ANKRD24: variants seen among roughly 807,000 people sequenced by gnomAD.
The protein encoded by ANKRD24 is ankyrin repeat domain-containing protein 24.
Under a neutral mutation model 127.8 loss-of-function variants are expected in ANKRD24, and 109 were observed. That is an observed-to-expected ratio of 0.85 (90% CI 0.73 to 1.00). ANKRD24 has a LOEUF of 1.00. Among genes scored for constraint, ANKRD24 ranks in the 50% least tolerant of loss-of-function variants. ANKRD24 has a pLI of 0.00. For missense variants in ANKRD24, 1,648 were observed against 1,570.2 expected (o/e 1.05, Z -0.84); for synonymous variants, 743 against 671.1 (o/e 1.11, Z -1.66).
At chr19:4,219,894 C>T (rs931102010) in intron 19 of ANKRD24, 136 bp downstream of exon 19, 49 of 1,053,474 alleles carry the variant, frequency 4.7e-5, no homozygotes, top group African/African-American at 2.9e-4. Context: ...GGCTCAGAAA[C>T]GGAAGGGGAC....
rs566123130 is a variant in ANKRD24 at position 4,210,706 on chromosome 19, A to G, written c.1059+334A>G. 1.1e-4 allele frequency among the ~76,000 whole-genome samples: 16 copies of G among 145,648 alleles called. No individual in the cohort carries two copies. In the East Asian group the frequency reaches 3.1e-3, roughly 28 times the overall value. On this transcript the variant is annotated intron_variant, in intron 13 of 21. Coordinates refer to ENST00000318934, the MANE Select transcript of ANKRD24 (RefSeq NM_001393985.1). ...ACTTTATGCAGTAGGCTCCTCGCCA[A>G]AGACACTTCCCATGCCCACTTCCCA...
At chr19:4,221,895 C>G (rs1970461164) in intron 19 of ANKRD24, among the ~76,000 whole-genome samples, 1 of 152,172 alleles carries the variant, frequency 6.6e-6, no homozygotes, top group Admixed American at 6.6e-5. Flanking sequence ...TCTACCCACT[C>G]CAAGCCAAGA....
Position 4,217,605 on chromosome 19 carries a change from G to A in ANKRD24, c.2445G>A (p.Leu815=). ...LRELEAASAC[L]DEARASRLLA... ...AGCTGGAGGCGGCCTCGGCCTGCCT[G>A]GATGAGGCTCGGGCCAGCCGGCTGC... The change falls in exon 18 of 22, where the codon CTG becomes CTA. Residue 815 remains leucine, a synonymous_variant. Coordinates refer to ENST00000318934, the MANE Select transcript of ANKRD24 (RefSeq NM_001393985.1). 1.5e-6 allele frequency: 2 copies of A among 1,300,030 alleles called. No homozygotes were observed. Among genetic ancestry groups the A allele is most frequent in the Non-Finnish European group, 9.7e-7 (1 of 1,028,376 alleles). The allele number at this position is 1,300,030 out of a possible 1,614,324, so 80.5% of individuals were successfully genotyped here.
chr19:4,217,686 G>C lies in ANKRD24; in HGVS notation c.2526G>C (p.Ala842=). 7.8e-7 allele frequency: 1 copy of C among 1,286,672 alleles called. No homozygotes were observed. Among genetic ancestry groups the C allele is most frequent in the Non-Finnish European group, 9.8e-7 (1 of 1,021,220 alleles). 79.7% of individuals were successfully genotyped at this position (1,286,672 alleles called of 1,614,324 possible). Residue 842 remains alanine, a synonymous_variant, in exon 18 of 22, where the codon GCG becomes GCC. Coordinates refer to ENST00000318934, the MANE Select transcript of ANKRD24 (RefSeq NM_001393985.1). ...LRAELAQREE[A]RLEQSRELEV... Reference sequence around the variant, plus strand: ...CCGAGCTGGCCCAGCGGGAGGAGGCGCGGCTGGAGCAGAGCCGGGAGCTGG... The same window carrying C: ...CCGAGCTGGCCCAGCGGGAGGAGGCCCGGCTGGAGCAGAGCCGGGAGCTGG...
intron 2 of ANKRD24, among the ~76,000 whole-genome samples, chr19:4,193,845 G>GAGGGAAGGAAGGA (rs573649233): frequency 7.4e-5 from 3 of 40,590 alleles, no homozygotes; most frequent in Non-Finnish European, 1.3e-4. Context: ...GGGAGGGAGG[G>GAGGGAAGGAAGGA]AGGAAGGAAG....
chr19:4,223,914 G>A (rs1003444961), intron 20 of ANKRD24, among the ~76,000 whole-genome samples: 1 of 151,982 alleles, frequency 6.6e-6, no homozygotes, highest in Non-Finnish European at 1.5e-5. Context: ...GGTCCAGGCT[G>A]GTCTTGAACT....
At chr19:4,183,119 C>T (rs1319790055) in intron 1 of ANKRD24, among the ~76,000 whole-genome samples, 1 of 152,098 alleles carries the variant, frequency 6.6e-6, no homozygotes, top group Non-Finnish European at 1.5e-5. Flanking sequence ...GCTGGGATTA[C>T]AGGCGCCCGC....
At chr19:4,215,593 C>T (rs955458517) in intron 15 of ANKRD24, among the ~76,000 whole-genome samples, 3 of 117,748 alleles carry the variant, frequency 2.5e-5, no homozygotes, top group Non-Finnish European at 3.5e-5. Context: ...GTGACGAGAC[C>T]GCATCTCTGA....
In ANKRD24 at chr19:4,217,248, G is replaced by A. The variant is rs780023935; in HGVS notation, c.2088G>A (p.Gly696=). The change falls in exon 18 of 22, where the codon GGG becomes GGA. Residue 696 remains glycine, a synonymous_variant. Coordinates refer to ENST00000318934, the MANE Select transcript of ANKRD24 (RefSeq NM_001393985.1). ...GVSATGVENP[G]VEATVPGISA... ...GTGCCACAGGTGTGGAGAACCCAGG[G>A]GTAGAGGCCACGGTCCCGGGGATCT... 3 of 1,591,392 alleles carry A rather than the reference G, an allele frequency of 1.9e-6. No individual in the cohort carries two copies. Among genetic ancestry groups the A allele is most frequent in the African/African-American group, 2.7e-5 (2 of 74,506 alleles).
Position 4,219,698 on chromosome 19 carries a change from T to C in ANKRD24, c.3111T>C (p.Ala1037=), listed in dbSNP as rs1193768342. The C allele has an allele frequency of 1.2e-6, 2 of 1,613,538 alleles. No individual in the cohort carries two copies. Among genetic ancestry groups the C allele is most frequent in the African/African-American group, 2.7e-5 (2 of 74,874 alleles). ...GGCTACGGACCGAGGCGGAAAGGGC[T>C]CGCCAGGCCCAGAGCCGGGCCCAGG... ...LRGLRTEAER[A]RQAQSRAQEA... The change falls in exon 19 of 22, where the codon GCT becomes GCC. Residue 1037 remains alanine (A), a synonymous_variant. Transcript: ENST00000318934.
intron 2 of ANKRD24, among the ~76,000 whole-genome samples, chr19:4,194,158 A>ATTGTT (rs1330463786): frequency 6.6e-6 from 1 of 151,998 alleles, no homozygotes; most frequent in African/African-American, 2.4e-5. Flanking sequence ...TGAAATGTGA[A>ATTGTT]TTGTTTTGTT....
chr19:4,198,389 G>A lies in ANKRD24; in HGVS notation c.37-1294G>A. 3 of 440,178 alleles carry A rather than the reference G, an allele frequency of 6.8e-6. No homozygotes were observed. Among genetic ancestry groups the A allele is most frequent in the Non-Finnish European group, 1.2e-5 (3 of 250,012 alleles). 27.3% of individuals were successfully genotyped at this position (440,178 alleles called of 1,614,324 possible). On this transcript the variant is annotated intron_variant, in intron 2 of 21. Transcript: ENST00000318934. The surrounding 1 kb of genome is among the most constrained non-coding windows in gnomAD (Gnocchi z 6.1). ...GGGCGGGGCGGGGAGCTCCGGCAGC[G>A]CCCAGCCCCGCCCTCCGGCCGCTCC...
intron 15 of ANKRD24, among the ~76,000 whole-genome samples, chr19:4,214,054 G>A (rs1372222118): frequency 1.3e-5 from 2 of 152,160 alleles, no homozygotes; most frequent in Non-Finnish European, 2.9e-5. Context: ...TTACAGACAC[G>A]CAAGAAACAA....
At position 4,217,744 on chromosome 19, in the gene ANKRD24, G is replaced by T; in HGVS notation, c.2584G>T (p.Ala862Ser). 7.7e-7 allele frequency: 1 copy of T among 1,299,242 alleles called. No homozygotes were observed. The highest frequency in any genetic ancestry group is 9.7e-7 in the Non-Finnish European group (1 of 1,027,952). The allele number at this position is 1,299,242 out of a possible 1,614,324, so 80.5% of individuals were successfully genotyped here. Residue 862 changes from alanine to serine, a missense_variant, in exon 18 of 22, where the codon GCC becomes TCC. Coordinates refer to ENST00000318934, the MANE Select transcript of ANKRD24 (RefSeq NM_001393985.1). ...VLREQLATAR[A>S]TGEQQRTAAA... The stretch of plus-strand genomic sequence containing the variant: ...GCGGGAGCAGCTGGCCACGGCCAGG[G>T]CCACGGGGGAGCAGCAGCGCACGGC...
Position 4,224,590 on chromosome 19 carries a change from T to C in ANKRD24, c.*85T>C. The C allele has an allele frequency of 7.8e-7, 1 of 1,283,204 alleles. No individual in the cohort carries two copies. Among genetic ancestry groups the C allele is most frequent in the Non-Finnish European group, 1.1e-6 (1 of 911,106 alleles). 79.5% of individuals were successfully genotyped at this position (1,283,204 alleles called of 1,614,324 possible). A position where few individuals can be genotyped will look rare whatever the true frequency, so the allele number is the denominator to read the frequency against. On this transcript the variant is annotated 3_prime_UTR_variant, in exon 22 of 22. Coordinates refer to ENST00000318934, the MANE Select transcript of ANKRD24 (RefSeq NM_001393985.1). ...AGGCCCCTTGCAGACCGGCTTCACT[T>C]GGCTTCACTTGGCCCTATCCAGGCC...
At chr19:4,189,131 T>A (rs1197335779) in intron 2 of ANKRD24, among the ~76,000 whole-genome samples, 3 of 152,168 alleles carry the variant, frequency 2.0e-5, no homozygotes, top group African/African-American at 7.2e-5. Context: ...GTTTTTAAAC[T>A]ATTTATTAAT....
At chr19:4,224,384 A>G in intron 21 of ANKRD24, 44 bp from the exon 22 acceptor site, 1 of 1,593,604 alleles carries the variant, frequency 6.3e-7, no homozygotes, top group Non-Finnish European at 8.6e-7. Context: ...TGGGGCAGCC[A>G]TGGAGGGTAT....
rs553546687 is a variant in ANKRD24 at position 4,198,724 on chromosome 19, G to A, written c.37-959G>A. On this transcript the variant is annotated intron_variant, in intron 2 of 21. Transcript: ENST00000318934. This position sits in a 1 kb window ranked among gnomAD's most constrained non-coding sequence, Gnocchi z 6.1. ...ATGGAAGAGACATTTGGGGAGACAT[G>A]TGGACACGTTTTGGAAGACTCTTTG... Among the ~76,000 whole-genome samples the A allele has an allele frequency of 5.3e-5, 8 of 151,836 alleles. No individual in the cohort carries two copies. Among genetic ancestry groups the A allele is most frequent in the Non-Finnish European group, 1.0e-4 (7 of 68,016 alleles).
rs755862607 is a variant in ANKRD24 at position 4,224,419 on chromosome 19, C to T, written c.3364-9C>T. Reference sequence around the variant, plus strand: ...TACTCAGGGTCTTCCTCTACTCCCCCAACCCTAGGGCCAGATGGATGAAGA... The same window carrying T: ...TACTCAGGGTCTTCCTCTACTCCCCTAACCCTAGGGCCAGATGGATGAAGA... On this transcript the variant is annotated splice_polypyrimidine_tract_variant and intron_variant, in intron 21 of 21. Coordinates refer to ENST00000318934, the MANE Select transcript of ANKRD24 (RefSeq NM_001393985.1). The T allele has an allele frequency of 3.7e-6, 6 of 1,612,828 alleles. No homozygotes were observed. In the South Asian group the frequency reaches 6.6e-5, roughly 18 times the overall value.
Sources: allele counts gnomAD v4.1 joint callset (sites outside exome capture counted in the v4.1 genomes callset), GRCh38; gene constraint gnomAD v4.1.1; non-coding constraint Gnocchi (gnomAD v3.1); transcripts MANE v1.5; gene names NCBI Gene and HGNC (gene_info 2026-07-23, HGNC 2026-07-21).